Variants in BCKDHB observed in about 807,000 individuals in gnomAD.
BCKDHB encodes the protein branched chain keto acid dehydrogenase E1 subunit beta, also known as 2-oxoisovalerate dehydrogenase subunit beta, mitochondrial.
In BCKDHB, 41 loss-of-function variants were observed where a neutral mutation model predicts 48.5. The observed-to-expected ratio is 0.85, with a 90% CI of 0.66 to 1.10. The LOEUF is 1.10. Among genes scored for constraint, BCKDHB ranks in the 50% least tolerant of loss-of-function variants. The pLI, the probability that BCKDHB is intolerant of heterozygous loss-of-function variation, is 0.00. For synonymous variants in BCKDHB, 201 were observed against 174.8 expected (o/e 1.15, Z -1.18); for missense variants, 496 against 494.2 (o/e 1.00, Z -0.03).
chr6:80,405,011 C>A, the BCKDHB span, among the ~76,000 whole-genome samples: 1 of 152,078 alleles, frequency 6.6e-6, no homozygotes, highest in Non-Finnish European at 1.5e-5. Context: ...AATGTGTACT[C>A]TTCTGTTGGA....
At chr6:80,257,510 A>G (rs1235793905) in intron 8 of BCKDHB, among the ~76,000 whole-genome samples, 1 of 151,564 alleles carries the variant, frequency 6.6e-6, no homozygotes. Flanking sequence ...GATAATACAT[A>G]TTATGTGTTA....
intron 9 of BCKDHB, among the ~76,000 whole-genome samples, chr6:80,308,880 C>T (rs988189449): frequency 9.2e-5 from 14 of 151,904 alleles, no homozygotes; most frequent in Non-Finnish European, 1.8e-4. Context: ...CGCACCCGGC[C>T]GTAGATTTTC....
At chr6:80,455,876 A>G in the BCKDHB span, among the ~76,000 whole-genome samples, 15 of 152,196 alleles carry the variant, frequency 9.9e-5, no homozygotes, top group Non-Finnish European at 1.6e-4. Flanking sequence ...GTTGGAGAGC[A>G]GGCATGCTGA....
intron 6 of BCKDHB, among the ~76,000 whole-genome samples, chr6:80,173,498 A>G (rs1773012883): frequency 2.6e-5 from 4 of 152,172 alleles, no homozygotes. Context: ...CAGAATAATC[A>G]TCACTGCTAG....
chr6:80,435,042 G>T, the BCKDHB span, among the ~76,000 whole-genome samples: 2 of 152,152 alleles, frequency 1.3e-5, no homozygotes, highest in Non-Finnish European at 2.9e-5. Flanking sequence ...TAGAAAGACT[G>T]CCAGGCTCTG....
At chr6:80,306,663 A>G (rs1441677460) in intron 9 of BCKDHB, among the ~76,000 whole-genome samples, 2 of 152,252 alleles carry the variant, frequency 1.3e-5, no homozygotes, top group Admixed American at 1.3e-4. Flanking sequence ...CTTAATGGCA[A>G]ATGATACAGA....
rs944748117 is a variant in BCKDHB, at chr6:80,140,851, A to G, written c.343+11622A>G. On this transcript the variant is annotated intron_variant, in intron 3 of 9. Coordinates refer to ENST00000320393, the MANE Select transcript of BCKDHB (RefSeq NM_183050.4). Reference sequence around the variant, plus strand: ...GTTAGAGAGGATTCCCTCTTTTTCTATTGATTGGAATAGTTTCAGAAGGAA... The same window carrying G: ...GTTAGAGAGGATTCCCTCTTTTTCTGTTGATTGGAATAGTTTCAGAAGGAA... 9.9e-5 allele frequency among the ~76,000 whole-genome samples: 15 copies of G among 152,024 alleles called. No individual in the cohort carries two copies. The South Asian group carries it at 2.1e-3, about 21-fold the overall frequency.
chr6:80,134,944 G>T (rs1770810348), intron 3 of BCKDHB, among the ~76,000 whole-genome samples: 1 of 151,936 alleles, frequency 6.6e-6, no homozygotes. Context: ...TAGAGATGGG[G>T]TTTCATCATG....
the BCKDHB span, among the ~76,000 whole-genome samples, chr6:80,395,493 G>A: frequency 6.6e-6 from 1 of 152,194 alleles, no homozygotes; most frequent in South Asian, 2.1e-4. Flanking sequence ...GAGATGTGTG[G>A]AACTTTGAAT....
At chr6:80,222,869 C>T (rs1292479634) in intron 8 of BCKDHB, among the ~76,000 whole-genome samples, 1 of 152,054 alleles carries the variant, frequency 6.6e-6, no homozygotes, top group East Asian at 1.9e-4. Flanking sequence ...GCTACTAGGC[C>T]CTTAATCATA....
intron 9 of BCKDHB, among the ~76,000 whole-genome samples, chr6:80,285,153 C>G (rs1766565863): frequency 6.6e-6 from 1 of 152,254 alleles, no homozygotes; most frequent in Admixed American, 6.5e-5. Flanking sequence ...ATGAACTTTT[C>G]TGGGCATAGA....
At chr6:80,144,935 C>T (rs1771407180) in intron 3 of BCKDHB, among the ~76,000 whole-genome samples, 1 of 152,074 alleles carries the variant, frequency 6.6e-6, no homozygotes, top group Non-Finnish European at 1.5e-5. Context: ...TTTTCCATCC[C>T]ACGTTTCATT....
chr6:80,298,848 T>C (rs889315846), intron 9 of BCKDHB, among the ~76,000 whole-genome samples: 3 of 152,212 alleles, frequency 2.0e-5, no homozygotes, highest in African/African-American at 7.2e-5. Context: ...TTCAGTCTGC[T>C]GTTTGTTGGT....
At chr6:80,160,136 GTAA>G (rs1772240768) in intron 3 of BCKDHB, among the ~76,000 whole-genome samples, 1 of 152,112 alleles carries the variant, frequency 6.6e-6, no homozygotes, top group African/African-American at 2.4e-5. Flanking sequence ...CTATCAGGAG[GTAA>G]TAGGCTGTCA....
the BCKDHB span, among the ~76,000 whole-genome samples, chr6:80,418,928 C>T: frequency 6.6e-6 from 1 of 152,164 alleles, no homozygotes; most frequent in Non-Finnish European, 1.5e-5. Flanking sequence ...ATGTTGGCTC[C>T]AGTTGGGTGT....
At chr6:80,165,655 A>G (rs1772533133) in intron 3 of BCKDHB, among the ~76,000 whole-genome samples, 1 of 152,136 alleles carries the variant, frequency 6.6e-6, no homozygotes, top group South Asian at 2.1e-4. Context: ...ATGAGCTGAG[A>G]GGTGGTGAAA....
Position 80,249,112 on chromosome 6 carries a change from A to C in BCKDHB, c.952-24023A>C, listed in dbSNP as rs76299728. Among the ~76,000 whole-genome samples the C allele has an allele frequency of 2.5e-3, 385 of 151,998 alleles. 5 individuals are homozygous for C. Among genetic ancestry groups the C allele is most frequent in the African/African-American group, 8.7e-3 (361 of 41,460 alleles). ...TGTTTATTGTGGGGCTGTTCTGTGCATTGTAGGATGTTTAGCAGCATTCCT... is the reference window on the plus strand; with the variant it reads ...TGTTTATTGTGGGGCTGTTCTGTGCCTTGTAGGATGTTTAGCAGCATTCCT... On this transcript the variant is annotated intron_variant, in intron 8 of 9. Transcript: ENST00000320393.
At chr6:80,211,896 T>C (rs945998343) in intron 8 of BCKDHB, among the ~76,000 whole-genome samples, 1 of 152,112 alleles carries the variant, frequency 6.6e-6, no homozygotes, top group Non-Finnish European at 1.5e-5. Flanking sequence ...TTTTTATTTA[T>C]TAAGGGCTTC....
the BCKDHB span, among the ~76,000 whole-genome samples, chr6:80,432,112 G>A: frequency 6.6e-6 from 1 of 152,048 alleles, no homozygotes; most frequent in East Asian, 1.9e-4. Flanking sequence ...CTTTCTCTCT[G>A]GCTGCCCTTA....
Sources: allele counts gnomAD v4.1 joint callset (sites outside exome capture counted in the v4.1 genomes callset), GRCh38; gene constraint gnomAD v4.1.1; transcripts MANE v1.5; gene names NCBI Gene and HGNC (gene_info 2026-07-23, HGNC 2026-07-21).